The following HYDIN variants were observed in gnomAD, a reference collection of about 807,000 sequenced individuals.
The protein encoded by HYDIN is HYDIN axonemal central pair apparatus protein, also known as axonemal central pair apparatus protein HYDIN.
Under a neutral mutation model 403.9 loss-of-function variants are expected in HYDIN, and 132 were observed. That is an observed-to-expected ratio of 0.33 (90% CI 0.28 to 0.38). The LOEUF (loss-of-function observed/expected upper bound fraction) is 0.38. Ranked by LOEUF, HYDIN falls within the 10% of genes least tolerant of loss-of-function variation. The probability of loss-of-function intolerance (pLI) is 1.00; values close to 1 mark genes in which losing one functional copy is unlikely to be tolerated. For missense variants in HYDIN, 2,827 were observed against 5,009.5 expected, an observed-to-expected ratio of 0.56 and a Z score of 13.15; for synonymous variants, 1,202 against 1,891.7, an observed-to-expected ratio of 0.64 and a Z score of 9.46.
chr16:70,958,705 T>G (rs958013181), intron 39 of HYDIN, among the ~76,000 whole-genome samples: 1 of 151,516 alleles, frequency 6.6e-6, no homozygotes, highest in African/African-American at 2.4e-5. Flanking sequence ...GAAGGGGTAA[T>G]GAATTGTGAC....
intron 75 of HYDIN, among the ~76,000 whole-genome samples, chr16:70,843,510 C>T (rs1374236364): frequency 2.9e-5 from 4 of 139,550 alleles, no homozygotes; most frequent in South Asian, 2.2e-4. Context: ...CATACGTGTG[C>T]GTGTGTCTTT....
At chr16:70,916,852 C>T (rs2076855802) in intron 47 of HYDIN, among the ~76,000 whole-genome samples, 1 of 151,838 alleles carries the variant, frequency 6.6e-6, no homozygotes, top group Admixed American at 6.6e-5. Flanking sequence ...CTTTTTCCTT[C>T]CTTCCTTCCT....
intron 43 of HYDIN, among the ~76,000 whole-genome samples, chr16:70,940,738 G>A (rs530216208): frequency 6.6e-6 from 1 of 151,696 alleles, no homozygotes; most frequent in African/African-American, 2.4e-5. Flanking sequence ...AGCTGACTTT[G>A]AGTTCTGTTC....
At chr16:70,850,841 G>A (rs2038591737) in intron 73 of HYDIN, among the ~76,000 whole-genome samples, 186 bp from the exon 74 acceptor site, 1 of 152,108 alleles carries the variant, frequency 6.6e-6, no homozygotes, top group Admixed American at 6.5e-5. Context: ...CAGACACACA[G>A]ACTAATGGAA....
intron 53 of HYDIN, among the ~76,000 whole-genome samples, chr16:70,900,207 G>A (rs1045510703): frequency 2.0e-5 from 3 of 152,146 alleles, no homozygotes; most frequent in Non-Finnish European, 4.4e-5. Flanking sequence ...ACATCGGGAG[G>A]CACCATGCCT....
rs78927520 is a variant in HYDIN, at chr16:71,177,478, T to G, written c.381+1450A>C. On this transcript the variant is annotated intron_variant, in intron 4 of 85. Transcript: ENST00000393567. ...TTTCTGACCCATGAGCTTCTCTTAC[T>G]AATGCTACTGCAGAAAAGAATGAAA... 8.5e-3 allele frequency among the ~76,000 whole-genome samples: 1,289 copies of G among 152,296 alleles called. 17 individuals carry two copies. The highest frequency in any genetic ancestry group is 0.029 in the African/African-American group (1,225 of 41,556).
chr16:70,835,146 G>A (rs554996187), intron 78 of HYDIN, among the ~76,000 whole-genome samples: 5 of 151,060 alleles, frequency 3.3e-5, no homozygotes, highest in African/African-American at 4.9e-5. Context: ...ACAGGCACCC[G>A]CCACCATGCC....
In HYDIN at chr16:70,985,346, G is replaced by A. The variant is rs543835910; in HGVS notation, c.4195-24C>T. 6.4e-4 allele frequency: 763 copies of A among 1,187,068 alleles called. 10 individuals carry two copies. In the South Asian group the frequency reaches 0.011, roughly 17 times the overall value. 73.5% of individuals were successfully genotyped at this position (1,187,068 alleles called of 1,614,324 possible). ...AGCTTGAGAAGAGAAGGAGAAGAGTGACTCCATCTTGGGATGCGGCTTTGA... is the reference window on the plus strand; with the variant it reads ...AGCTTGAGAAGAGAAGGAGAAGAGTAACTCCATCTTGGGATGCGGCTTTGA... On this transcript the variant is annotated intron_variant, in intron 27 of 85. Coordinates refer to ENST00000393567, the MANE Select transcript of HYDIN (RefSeq NM_001270974.2).
intron 11 of HYDIN, among the ~76,000 whole-genome samples, chr16:71,089,684 C>A (rs777142924): frequency 6.6e-5 from 10 of 151,984 alleles, no homozygotes; most frequent in Non-Finnish European, 1.5e-4. Flanking sequence ...TCTAGTGGGG[C>A]ATGACTGCAG....
intron 10 of HYDIN, among the ~76,000 whole-genome samples, chr16:71,102,416 C>T (rs2083484358): frequency 2.0e-5 from 3 of 152,028 alleles, no homozygotes; most frequent in Admixed American, 2.0e-4. Flanking sequence ...TTTGTGTGCA[C>T]AAAATTGTTT....
At chr16:71,136,769 A>G (rs1181370343) in intron 8 of HYDIN, among the ~76,000 whole-genome samples, 3 of 147,542 alleles carry the variant, frequency 2.0e-5, no homozygotes, top group African/African-American at 7.4e-5. Flanking sequence ...TCCATCTCAA[A>G]AAAAAAAAAA....
At chr16:70,947,245 A>G (rs1241373678) in intron 41 of HYDIN, among the ~76,000 whole-genome samples, 5 of 146,646 alleles carry the variant, frequency 3.4e-5, no homozygotes, top group African/African-American at 1.3e-4. Flanking sequence ...AGTTTTTAGC[A>G]TGAAGGGTTG....
intron 53 of HYDIN, among the ~76,000 whole-genome samples, chr16:70,898,229 G>A (rs1428458245): frequency 6.6e-6 from 1 of 151,482 alleles, no homozygotes; most frequent in Non-Finnish European, 1.5e-5. Context: ...TTGGTAAGCA[G>A]CTGTCATGAT....
Position 70,973,037 on chromosome 16 carries a change from C to T in HYDIN, c.5379+306G>A, listed in dbSNP as rs140733883. 7.2e-3 allele frequency among the ~76,000 whole-genome samples: 1,099 copies of T among 152,234 alleles called. 12 individuals carry two copies. The highest frequency in any genetic ancestry group is 0.025 in the African/African-American group (1,052 of 41,550). ...GCAACATGACTATTTTTTCTTTTAT[C>T]TATGAGTGAACTGAGACTGAATGAG... On this transcript the variant is annotated intron_variant, in intron 35 of 85. Coordinates refer to ENST00000393567, the MANE Select transcript of HYDIN (RefSeq NM_001270974.2).
chr16:70,853,847 T>C (rs534654646), intron 73 of HYDIN, among the ~76,000 whole-genome samples: 1 of 149,090 alleles, frequency 6.7e-6, no homozygotes, highest in Admixed American at 6.6e-5. Context: ...AGAAATTTGG[T>C]AAACAGTACA....
chr16:71,051,351 A>G (rs2081629688), intron 18 of HYDIN, among the ~76,000 whole-genome samples: 1 of 151,976 alleles, frequency 6.6e-6, no homozygotes, highest in Non-Finnish European at 1.5e-5. Context: ...TGTTATGCTT[A>G]AAATGAAACA....
At chr16:70,885,505 G>T (rs1372755197) in intron 58 of HYDIN, among the ~76,000 whole-genome samples, 1 of 152,072 alleles carries the variant, frequency 6.6e-6, no homozygotes, top group African/African-American at 2.4e-5. Context: ...AAGAACAGCT[G>T]AAATGAGCGG....
At chr16:70,916,013 G>A (rs1382233960) in intron 47 of HYDIN, among the ~76,000 whole-genome samples, 1 of 152,236 alleles carries the variant, frequency 6.6e-6, no homozygotes. Flanking sequence ...ACAGCATTGA[G>A]TCTGTTTCCA....
chr16:70,810,060 G>C, intron 84 of HYDIN, 53 bp from the exon 85 acceptor site: 1 of 1,520,220 alleles, frequency 6.6e-7, no homozygotes, highest in Non-Finnish European at 9.1e-7. Context: ...TTCATCACCT[G>C]CCACCTAGAG....
Sources: allele counts gnomAD v4.1 joint callset (sites outside exome capture counted in the v4.1 genomes callset), GRCh38; gene constraint gnomAD v4.1.1; transcripts MANE v1.5; gene names NCBI Gene and HGNC (gene_info 2026-07-23, HGNC 2026-07-21).